PAK3: variants seen among roughly 807,000 people sequenced by gnomAD.
PAK3 encodes the protein p21 (RAC1) activated kinase 3.
A neutral mutation model predicts 41.0 loss-of-function variants in PAK3; 4 were observed. The ratio of observed to expected loss-of-function variants is 0.10; its 90% CI spans 0.05 to 0.22. The LOEUF (loss-of-function observed/expected upper bound fraction) is 0.22, where lower values mean the gene tolerates loss of function less well. PAK3 is among the 10% of genes least tolerant of loss of function. The pLI is 1.00. For synonymous variants in PAK3, 146 were observed against 139.6 expected, an observed-to-expected ratio of 1.05 and a Z score of -0.32; for missense variants, 205 against 409.9, an observed-to-expected ratio of 0.50 and a Z score of 4.32.
chrX:111,045,253 C>T (rs1231871138), intron 1 of PAK3, among the ~76,000 whole-genome samples: 5 of 112,273 alleles, frequency 4.5e-5, no homozygotes, highest in African/African-American at 1.6e-4. Flanking sequence ...TTTGAACGTG[C>T]TAAGGTGGTT....
At chrX:110,994,958 C>T (rs767357533) in intron 1 of PAK3, among the ~76,000 whole-genome samples, 4 of 112,029 alleles carry the variant, frequency 3.6e-5, no homozygotes, top group South Asian at 7.5e-4. Context: ...ATATGTAAAG[C>T]ACACAACACA....
intron 4 of PAK3, among the ~76,000 whole-genome samples, chrX:111,104,115 G>A (rs759734569): frequency 9.0e-6 from 1 of 111,709 alleles, no homozygotes; most frequent in Non-Finnish European, 1.9e-5. Flanking sequence ...TTCATGGCCT[G>A]TCTCTCCGAT....
chrX:111,153,245 G>A (rs2094056086), intron 8 of PAK3, among the ~76,000 whole-genome samples: 1 of 111,525 alleles, frequency 9.0e-6, no homozygotes, highest in Non-Finnish European at 1.9e-5. Context: ...ACTGAGGTTT[G>A]GAGAAATTAA....
At chrX:111,144,981 C>A in intron 6 of PAK3, 1 of 670,209 alleles carries the variant, frequency 1.5e-6, no homozygotes, top group Non-Finnish European at 2.3e-6. Context: ...CCTGTTATAT[C>A]GTGCTGCCAT....
chrX:111,164,871 A>G (rs905851148), intron 10 of PAK3, among the ~76,000 whole-genome samples: 2 of 111,783 alleles, frequency 1.8e-5, no homozygotes, highest in Admixed American at 9.5e-5. Context: ...CGTTTCATGC[A>G]TATTTTTATT....
Position 111,224,203 on chromosome X carries a change from A to G in PAK3, c.*3756A>G, listed in dbSNP as rs185014701. On this transcript the variant is annotated 3_prime_UTR_variant, in exon 18 of 18. Coordinates refer to ENST00000372007, the MANE Select transcript of PAK3 (RefSeq NM_002578.5). ...TTATCTATAAGTTAAAGCTAGGGAG[A>G]TGTCACTATTAGAACTCCAAACACA... 4 of 111,640 alleles carry G rather than the reference A, an allele frequency of 3.6e-5. No individual in the cohort carries two copies. The Admixed American group carries it at 3.8e-4, about 11-fold the overall frequency. 9.2% of individuals were successfully genotyped at this position (111,640 alleles called of 1,213,427 possible).
chrX:111,109,687 A>G (rs1175237477), intron 4 of PAK3, among the ~76,000 whole-genome samples: 2 of 111,631 alleles, frequency 1.8e-5, no homozygotes, highest in African/African-American at 6.5e-5. Context: ...GGAACCAGCA[A>G]TTGGTTCTCT....
chrX:111,127,729 G>A (rs2093667468), intron 5 of PAK3, among the ~76,000 whole-genome samples: 3 of 111,493 alleles, frequency 2.7e-5, no homozygotes, highest in African/African-American at 9.8e-5. Flanking sequence ...TCAATGCATA[G>A]CACTTGTAAT....
In PAK3 at chrX:111,216,034, T is replaced by C. The variant is rs1005688204; in HGVS notation, c.1408-387T>C. ...TTTCCATTGCACTTTCCCAAGGTTA[T>C]ACTCAGGTCAAAATGAATGGATGTA... On this transcript the variant is annotated intron_variant, in intron 16 of 17. Transcript: ENST00000372007. Among the ~76,000 whole-genome samples the C allele has an allele frequency of 5.3e-5, 6 of 112,334 alleles. No homozygotes were observed. The Admixed American group carries it at 5.6e-4, about 11-fold the overall frequency.
At position 111,225,832 on chromosome X, in the gene PAK3, G is replaced by A. The variant is rs1353636127; in HGVS notation, c.*5385G>A. 1 of 111,585 alleles carries A rather than the reference G, an allele frequency of 9.0e-6. No homozygotes were observed. The highest frequency in any genetic ancestry group is 1.9e-5 in the Non-Finnish European group (1 of 53,200). The allele number at this position is 111,585 out of a possible 1,213,427, so 9.2% of individuals were successfully genotyped here. A position where few individuals can be genotyped will look rare whatever the true frequency, so the allele number is the denominator to read the frequency against. On this transcript the variant is annotated 3_prime_UTR_variant, in exon 18 of 18. Transcript: ENST00000372007. ...TGGCAAATATCACGTTTAAGCCTGA[G>A]TCTCTTATGTTGCAGTTAAATAAAA...
chrX:111,188,511 G>C (rs747212273), intron 11 of PAK3, among the ~76,000 whole-genome samples: 1 of 111,616 alleles, frequency 9.0e-6, no homozygotes, highest in Non-Finnish European at 1.9e-5. Flanking sequence ...CTTCCCTAGG[G>C]GGGGAGAAAG....
At chrX:111,062,538 A>G (rs2092665728) in intron 1 of PAK3, among the ~76,000 whole-genome samples, 1 of 112,459 alleles carries the variant, frequency 8.9e-6, no homozygotes, top group Non-Finnish European at 1.9e-5. Flanking sequence ...TTGAAGCCAG[A>G]CATCTGTAGA....
intron 4 of PAK3, among the ~76,000 whole-genome samples, chrX:111,118,689 A>G (rs2093512683): frequency 9.0e-6 from 1 of 111,081 alleles, no homozygotes; most frequent in Admixed American, 9.6e-5. Context: ...TTTGTTTTTA[A>G]AAGGATGGCA....
intron 1 of PAK3, among the ~76,000 whole-genome samples, chrX:111,044,945 G>A (rs776931711): frequency 5.4e-5 from 6 of 112,029 alleles, no homozygotes; most frequent in African/African-American, 1.9e-4. Flanking sequence ...ATGGCTGGGA[G>A]ATGAAAGTTT....
At chrX:110,966,145 A>G (rs999842021) in intron 1 of PAK3, among the ~76,000 whole-genome samples, 1 of 112,094 alleles carries the variant, frequency 8.9e-6, no homozygotes, top group African/African-American at 3.2e-5. Context: ...ATTTTTTTCA[A>G]TAAGAATATG....
intron 11 of PAK3, among the ~76,000 whole-genome samples, chrX:111,174,108 G>A (rs2094378873): frequency 9.0e-6 from 1 of 111,256 alleles, no homozygotes; most frequent in Non-Finnish European, 1.9e-5. Flanking sequence ...GGTAAGAGAA[G>A]GTAGAATTTC....
At chrX:111,198,616 G>A (rs1252063259) in intron 16 of PAK3, among the ~76,000 whole-genome samples, 3 of 111,382 alleles carry the variant, frequency 2.7e-5, no homozygotes, top group Non-Finnish European at 5.7e-5. Flanking sequence ...TGTTGACTTT[G>A]TCAAAAATCA....
intron 1 of PAK3, among the ~76,000 whole-genome samples, chrX:110,987,914 TC>T (rs1181029558): frequency 7.1e-5 from 8 of 112,018 alleles, no homozygotes; most frequent in Non-Finnish European, 1.3e-4. Context: ...CCCGGGTATG[TC>T]TTCCAGCAGC....
At chrX:110,994,206 A>G (rs2091701274) in intron 1 of PAK3, among the ~76,000 whole-genome samples, 1 of 111,923 alleles carries the variant, frequency 8.9e-6, no homozygotes, top group Admixed American at 9.5e-5. Flanking sequence ...CCTTCTCTGT[A>G]TTTCCCATCC....
Sources: gnomAD v4.1 joint callset for allele counts (sites outside exome capture counted in the v4.1 genomes callset) on GRCh38, gnomAD v4.1.1 for gene constraint, MANE v1.5 for transcripts, NCBI Gene and HGNC (gene_info 2026-07-23, HGNC 2026-07-21) for gene names.